The following SPAG16 variants were observed in gnomAD, a reference collection of about 807,000 sequenced individuals.
SPAG16 encodes the protein sperm-associated antigen 16 protein.
A neutral mutation model predicts 80.4 loss-of-function variants in SPAG16; 86 were observed. The ratio of observed to expected loss-of-function variants is 1.07; its 90% CI spans 0.90 to 1.28. SPAG16 has a LOEUF of 1.28. Ranked by LOEUF, SPAG16 falls within the 50% of genes most tolerant of loss-of-function variation. SPAG16 has a pLI of 0.00. For missense variants in SPAG16, 870 were observed against 765.3 expected (o/e 1.14, Z -1.61); for synonymous variants, 294 against 265.9 (o/e 1.11, Z -1.03).
intron 14 of SPAG16, among the ~76,000 whole-genome samples, chr2:214,115,279 C>T (rs542898143): frequency 7.6e-4 from 116 of 152,242 alleles, no homozygotes; most frequent in African/African-American, 2.6e-3. Context: ...GGCATTGAGA[C>T]ACAGTTCATA....
chr2:214,360,822 A>T (rs1699136831), intron 15 of SPAG16, among the ~76,000 whole-genome samples: 1 of 151,906 alleles, frequency 6.6e-6, no homozygotes, highest in Non-Finnish European at 1.5e-5. Flanking sequence ...GTCCCAAAAT[A>T]TATGAGACTC....
chr2:213,527,493 T>G (rs1044546488), intron 10 of SPAG16, among the ~76,000 whole-genome samples: 1 of 152,236 alleles, frequency 6.6e-6, no homozygotes, highest in African/African-American at 2.4e-5. Flanking sequence ...CTTCATTTAA[T>G]GTATTCTTTA....
intron 13 of SPAG16, among the ~76,000 whole-genome samples, chr2:214,105,343 AT>A (rs2053327147): frequency 6.6e-6 from 1 of 152,134 alleles, no homozygotes; most frequent in South Asian, 2.1e-4. Context: ...AAGAGCCAAT[AT>A]TTGTCAGGCC....
intron 10 of SPAG16, among the ~76,000 whole-genome samples, chr2:213,815,344 C>T (rs565526756): frequency 2.0e-5 from 3 of 152,226 alleles, no homozygotes; most frequent in Admixed American, 2.0e-4. Context: ...CTGAAAAGAA[C>T]ACAAGGGAAT....
At chr2:213,934,946 T>A (rs2078924839) in intron 12 of SPAG16, among the ~76,000 whole-genome samples, 1 of 152,126 alleles carries the variant, frequency 6.6e-6, no homozygotes, top group Admixed American at 6.5e-5. Context: ...CTCATGCCTG[T>A]AATCCCAGCA....
At chr2:214,192,111 T>C (rs1169702153) in intron 15 of SPAG16, among the ~76,000 whole-genome samples, 1 of 152,138 alleles carries the variant, frequency 6.6e-6, no homozygotes, top group African/African-American at 2.4e-5. Flanking sequence ...AAGTTTATGA[T>C]TCCTTTCTAG....
intron 15 of SPAG16, among the ~76,000 whole-genome samples, chr2:214,151,968 C>G (rs956541288): frequency 2.2e-4 from 34 of 152,244 alleles, no homozygotes; most frequent in Middle Eastern, 3.4e-3. Context: ...GTCTCTAGAT[C>G]AGTTTAATTT....
chr2:213,562,263 G>T (rs1489113480), intron 10 of SPAG16, among the ~76,000 whole-genome samples: 3 of 152,082 alleles, frequency 2.0e-5, no homozygotes, highest in Non-Finnish European at 4.4e-5. Flanking sequence ...TTTGATTTTT[G>T]TTCTGAAATT....
intron 15 of SPAG16, among the ~76,000 whole-genome samples, chr2:214,287,830 G>C (rs1296448317): frequency 6.6e-6 from 1 of 152,172 alleles, no homozygotes; most frequent in African/African-American, 2.4e-5. Context: ...CTGTATTTTA[G>C]TATTTGTTAC....
intron 9 of SPAG16, among the ~76,000 whole-genome samples, chr2:213,415,271 G>A (rs1368237496): frequency 1.3e-5 from 2 of 152,212 alleles, no homozygotes; most frequent in Non-Finnish European, 2.9e-5. Flanking sequence ...CATGCAAGGA[G>A]CATGCAGTGT....
intron 10 of SPAG16, among the ~76,000 whole-genome samples, chr2:213,725,768 A>G (rs1157404700): frequency 6.6e-6 from 1 of 152,230 alleles, no homozygotes; most frequent in Non-Finnish European, 1.5e-5. Flanking sequence ...GTTTCTATGT[A>G]TGTAACAACA....
At chr2:213,522,689 G>T (rs987242483) in intron 10 of SPAG16, among the ~76,000 whole-genome samples, 1 of 151,974 alleles carries the variant, frequency 6.6e-6, no homozygotes, top group African/African-American at 2.4e-5. Context: ...ATGGGGGTCT[G>T]GGCAGCACAT....
intron 15 of SPAG16, among the ~76,000 whole-genome samples, chr2:214,177,174 C>G (rs1268604769): frequency 6.6e-6 from 1 of 151,008 alleles, no homozygotes; most frequent in Admixed American, 6.6e-5. Flanking sequence ...AAATTATTGT[C>G]CTATTAGACA....
chr2:213,979,541 G>A (rs2045590353), intron 12 of SPAG16, among the ~76,000 whole-genome samples: 1 of 152,106 alleles, frequency 6.6e-6, no homozygotes, highest in African/African-American at 2.4e-5. Flanking sequence ...GCAGCAGGAT[G>A]GAGTGAGTGC....
chr2:214,379,820 C>T (rs1441794084), intron 15 of SPAG16, among the ~76,000 whole-genome samples: 2 of 132,554 alleles, frequency 1.5e-5, no homozygotes, highest in Non-Finnish European at 3.0e-5. Flanking sequence ...TAAGCACTTG[C>T]AGAGGACTAA....
chr2:213,757,349 A>T (rs1184892419), intron 10 of SPAG16, among the ~76,000 whole-genome samples: 1 of 152,142 alleles, frequency 6.6e-6, no homozygotes. Flanking sequence ...TCTGAAATAG[A>T]AAAAGCAATT....
chr2:214,122,457 A>T (rs1247529796), intron 14 of SPAG16, among the ~76,000 whole-genome samples: 1 of 151,876 alleles, frequency 6.6e-6, no homozygotes, highest in Non-Finnish European at 1.5e-5. Flanking sequence ...GCAATTGCCT[A>T]CCTAAAAAAG....
At chr2:213,505,049 G>A (rs973322074) in intron 10 of SPAG16, among the ~76,000 whole-genome samples, 2 of 152,124 alleles carry the variant, frequency 1.3e-5, no homozygotes, top group African/African-American at 4.8e-5. Flanking sequence ...TTAAGTACTG[G>A]CATTCATTCA....
At chr2:214,128,783 G>A (rs1443360845) in intron 14 of SPAG16, among the ~76,000 whole-genome samples, 1 of 151,740 alleles carries the variant, frequency 6.6e-6, no homozygotes, top group Non-Finnish European at 1.5e-5. Flanking sequence ...TAGATATTTT[G>A]TATTTTTACA....
Sources: gnomAD v4.1 joint callset for allele counts (sites outside exome capture counted in the v4.1 genomes callset) on GRCh38, gnomAD v4.1.1 for gene constraint, MANE v1.5 for transcripts, NCBI Gene and HGNC (gene_info 2026-07-23, HGNC 2026-07-21) for gene names.